Variants in FANCC observed in about 807,000 individuals in gnomAD.
FANCC encodes Fanconi anemia group C protein.
Under a neutral mutation model 71.3 loss-of-function variants are expected in FANCC, and 55 were observed. The ratio of observed to expected loss-of-function variants is 0.77; its 90% CI spans 0.62 to 0.97. The LOEUF is 0.97. FANCC is among the 50% of genes least tolerant of loss of function. FANCC has a pLI of 0.00. For missense variants in FANCC, 678 were observed against 670.9 expected, an observed-to-expected ratio of 1.01 and a Z score of -0.12; for synonymous variants, 275 against 244.9, an observed-to-expected ratio of 1.12 and a Z score of -1.15.
intron 13 of FANCC, chr9:95,107,472 T>C: frequency 1.6e-6 from 1 of 637,552 alleles, no homozygotes; most frequent in Non-Finnish European, 2.8e-6. Flanking sequence ...CTTTCTTTCG[T>C]CTTGCTCACC....
chr9:95,234,463 G>A (rs1830183765), intron 4 of FANCC, among the ~76,000 whole-genome samples: 1 of 152,160 alleles, frequency 6.6e-6, no homozygotes, highest in Non-Finnish European at 1.5e-5. Flanking sequence ...TTGTGTTTTA[G>A]TGAAACCTGA....
chr9:95,199,789 C>T (rs1221380638), intron 4 of FANCC, among the ~76,000 whole-genome samples: 2 of 152,186 alleles, frequency 1.3e-5, no homozygotes, highest in Non-Finnish European at 2.9e-5. Flanking sequence ...AATGGCTCTG[C>T]TGTTTAGGTG....
At position 95,118,060 on chromosome 9, in the gene FANCC, G is replaced by A. The variant is rs1588073789; in HGVS notation, c.997-670C>T. On this transcript the variant is annotated intron_variant, in intron 10 of 14. Coordinates refer to ENST00000289081, the MANE Select transcript of FANCC (RefSeq NM_000136.3). ...TTGAGATGGAGTCTCCTTCTGTTGC[G>A]CAGGCTGGAGTGCAGAGGCACAATC... Among the ~76,000 whole-genome samples, 8 of 149,004 alleles carry A rather than the reference G, an allele frequency of 5.4e-5. No individual in the cohort carries two copies. In the South Asian group the frequency reaches 1.5e-3, roughly 28 times the overall value.
intron 6 of FANCC, among the ~76,000 whole-genome samples, chr9:95,169,670 T>C (rs1825538875): frequency 6.6e-6 from 1 of 152,234 alleles, no homozygotes; most frequent in African/African-American, 2.4e-5. Context: ...TCAATTTCAA[T>C]GTGGCTATTC....
chr9:95,164,095 G>A (rs950416339), intron 6 of FANCC, among the ~76,000 whole-genome samples: 1 of 152,090 alleles, frequency 6.6e-6, no homozygotes, highest in African/African-American at 2.4e-5. Flanking sequence ...CAATGCAACT[G>A]GTTTTGTGTG....
At chr9:95,289,370 G>C (rs1313365205) in intron 1 of FANCC, among the ~76,000 whole-genome samples, 1 of 152,100 alleles carries the variant, frequency 6.6e-6, no homozygotes, top group Non-Finnish European at 1.5e-5. Context: ...TGCACAACCA[G>C]TGGCTGGAGT....
intron 4 of FANCC, among the ~76,000 whole-genome samples, chr9:95,204,002 A>G (rs1177283886): frequency 6.6e-6 from 1 of 152,248 alleles, no homozygotes; most frequent in Non-Finnish European, 1.5e-5. Flanking sequence ...CTATAACACA[A>G]AAACACAACA....
intron 3 of FANCC, among the ~76,000 whole-genome samples, chr9:95,242,719 C>G (rs1375779448): frequency 6.6e-6 from 1 of 152,198 alleles, no homozygotes; most frequent in South Asian, 2.1e-4. Flanking sequence ...TTTCTGTGCC[C>G]AGAGTCAATG....
chr9:95,288,529 T>C (rs1290586273), intron 1 of FANCC, among the ~76,000 whole-genome samples: 1 of 152,194 alleles, frequency 6.6e-6, no homozygotes, highest in Admixed American at 6.5e-5. Flanking sequence ...GTGTTTTATA[T>C]GGATTTACAT....
intron 1 of FANCC, among the ~76,000 whole-genome samples, chr9:95,298,438 T>C (rs925489481): frequency 6.6e-6 from 1 of 152,062 alleles, no homozygotes; most frequent in African/African-American, 2.4e-5. Flanking sequence ...AGGAAGAGGT[T>C]AGGAAACAGG....
chr9:95,135,206 T>C lies in FANCC; in HGVS notation c.843+140A>G, dbSNP rs1260806111. 39 of 861,694 alleles carry C rather than the reference T, an allele frequency of 4.5e-5. 2 individuals are homozygous for C. In the South Asian group the frequency reaches 5.3e-4, roughly 12 times the overall value. The allele number at this position is 861,694 out of a possible 1,614,324, so 53.4% of individuals were successfully genotyped here. ...CCCCCTATGTTAGTGATTTCAAAAATAAAATGTAAATACACGATTATATAT... is the reference window on the plus strand; with the variant it reads ...CCCCCTATGTTAGTGATTTCAAAAACAAAATGTAAATACACGATTATATAT... On this transcript the variant is annotated intron_variant, in intron 8 of 14. Transcript: ENST00000289081.
At chr9:95,293,325 T>G in intron 1 of FANCC, 1 of 1,610,762 alleles carries the variant, frequency 6.2e-7, no homozygotes, top group South Asian at 1.1e-5. Context: ...CCTGTGGTGT[T>G]AGGTGTTGAT....
At chr9:95,298,451 T>C (rs761482250) in intron 1 of FANCC, among the ~76,000 whole-genome samples, 1 of 152,154 alleles carries the variant, frequency 6.6e-6, no homozygotes, top group Non-Finnish European at 1.5e-5. Context: ...GAAACAGGCC[T>C]GAGCTGAAGA....
intron 1 of FANCC, among the ~76,000 whole-genome samples, chr9:95,314,659 A>C (rs1372343387): frequency 6.6e-6 from 1 of 152,178 alleles, no homozygotes; most frequent in African/African-American, 2.4e-5. Flanking sequence ...TCTCAAAAAA[A>C]AAACAAAAAA....
At chr9:95,183,505 T>C (rs891958647) in intron 4 of FANCC, among the ~76,000 whole-genome samples, 2 of 152,234 alleles carry the variant, frequency 1.3e-5, no homozygotes, top group African/African-American at 4.8e-5. Context: ...CTTGTGACCT[T>C]GTTATAGGAG....
chr9:95,136,213 G>A (rs990392880), intron 7 of FANCC, among the ~76,000 whole-genome samples: 1 of 151,970 alleles, frequency 6.6e-6, no homozygotes, highest in Non-Finnish European at 1.5e-5. Context: ...CAAATAGTGA[G>A]GCCCTGCTTC....
intron 6 of FANCC, among the ~76,000 whole-genome samples, chr9:95,154,612 A>T (rs1403833929): frequency 6.6e-6 from 1 of 152,186 alleles, no homozygotes; most frequent in Non-Finnish European, 1.5e-5. Flanking sequence ...ACAATACACC[A>T]TCCTTATGTA....
chr9:95,217,731 ATATAAAG>A (rs1169947357), intron 4 of FANCC, among the ~76,000 whole-genome samples: 5 of 152,302 alleles, frequency 3.3e-5, no homozygotes, highest in African/African-American at 1.2e-4. Flanking sequence ...ATCAAATTAA[ATATAAAG>A]TAAGTAGAAG....
At chr9:95,175,927 G>A (rs898712751) in intron 4 of FANCC, among the ~76,000 whole-genome samples, 5 of 152,226 alleles carry the variant, frequency 3.3e-5, no homozygotes, top group East Asian at 3.8e-4. Flanking sequence ...GCTCCAAGTC[G>A]GCAGCAGTCT....
Sources: gnomAD v4.1 joint callset for allele counts (sites outside exome capture counted in the v4.1 genomes callset) on GRCh38, gnomAD v4.1.1 for gene constraint, MANE v1.5 for transcripts, NCBI Gene and HGNC (gene_info 2026-07-23, HGNC 2026-07-21) for gene names.